Variants in SCARA5 observed in about 807,000 individuals in gnomAD.
SCARA5 encodes scavenger receptor class A member 5, also known as scavenger receptor class A, member 5 (putative).
In SCARA5, 45 loss-of-function variants were observed where a neutral mutation model predicts 46.3. The observed-to-expected ratio is 0.97, with a 90% confidence interval of 0.76 to 1.24. The LOEUF is 1.24. Ranked by LOEUF, SCARA5 falls within the 50% of genes most tolerant of loss-of-function variation. SCARA5 has a pLI of 0.00. For synonymous variants in SCARA5, 333 were observed against 306.5 expected (o/e 1.09, Z -0.90); for missense variants, 680 against 689.0 (o/e 0.99, Z 0.15).
chr8:27,965,769 A>G (rs986489162), intron 3 of SCARA5, among the ~76,000 whole-genome samples: 1 of 152,220 alleles, frequency 6.6e-6, no homozygotes, highest in Non-Finnish European at 1.5e-5. Context: ...CACTACAGCC[A>G]TCTGCTTCAC....
chr8:27,921,953 G>A lies in SCARA5; in HGVS notation c.534C>T (p.Ser178=), dbSNP rs779423568. 3 of 1,543,282 alleles carry A rather than the reference G, an allele frequency of 1.9e-6. No individual in the cohort carries two copies. Among genetic ancestry groups the A allele is most frequent in the East Asian group, 2.4e-5 (1 of 41,590 alleles). The change falls in exon 4 of 9, where the codon AGC becomes AGT. Residue 178 remains serine, a synonymous_variant. Coordinates refer to ENST00000354914, the MANE Select transcript of SCARA5 (RefSeq NM_173833.6). ...GGTAGAGCTCCAGCTGCGCCGTGTC[G>A]CTCTGCTGGCCCGTGCGGTCCCGCA... ...ALLRDRTGQQ[S]DTAQLELYQL...
chr8:27,918,011 C>T (rs1022824956), intron 4 of SCARA5, among the ~76,000 whole-genome samples: 3 of 152,128 alleles, frequency 2.0e-5, no homozygotes, highest in African/African-American at 4.8e-5. Flanking sequence ...GTTGCTTTTA[C>T]GAATATTGAG....
intron 7 of SCARA5, among the ~76,000 whole-genome samples, chr8:27,898,131 C>T (rs945543960): frequency 3.3e-5 from 5 of 152,236 alleles, no homozygotes; most frequent in Admixed American, 6.5e-5. Flanking sequence ...CTTATTTTAC[C>T]ACTTGACTTC....
At chr8:27,986,283 C>G (rs1218461186) in intron 2 of SCARA5, among the ~76,000 whole-genome samples, 2 of 152,222 alleles carry the variant, frequency 1.3e-5, no homozygotes, top group African/African-American at 4.8e-5. Context: ...CTTAGACAAT[C>G]TCCTTCAGTC....
At chr8:27,987,031 C>A (rs1808715238) in intron 2 of SCARA5, among the ~76,000 whole-genome samples, 1 of 152,226 alleles carries the variant, frequency 6.6e-6, no homozygotes, top group African/African-American at 2.4e-5. Flanking sequence ...GGCCTGGGGA[C>A]CCCTTTCTGT....
intron 3 of SCARA5, among the ~76,000 whole-genome samples, chr8:27,933,812 C>T (rs1807814296): frequency 6.6e-6 from 1 of 151,992 alleles, no homozygotes; most frequent in Non-Finnish European, 1.5e-5. Context: ...AAATGTGTCC[C>T]CTTGAGGGAC....
chr8:27,943,199 A>G (rs1480469564), intron 3 of SCARA5, among the ~76,000 whole-genome samples: 1 of 152,208 alleles, frequency 6.6e-6, no homozygotes, highest in Non-Finnish European at 1.5e-5. Context: ...ATAGCCCTCT[A>G]AATATTTGAA....
chr8:27,923,491 AAGACTGC>A (rs1163623920), intron 3 of SCARA5, among the ~76,000 whole-genome samples: 1 of 152,122 alleles, frequency 6.6e-6, no homozygotes. Flanking sequence ...CAATCCAATG[AAGACTGC>A]TTTTATATTG....
intron 2 of SCARA5, among the ~76,000 whole-genome samples, chr8:27,977,176 C>A (rs552964094): frequency 6.6e-6 from 1 of 152,210 alleles, no homozygotes; most frequent in East Asian, 1.9e-4. Flanking sequence ...ATCCCACCCA[C>A]GTGGGCTCCA....
intron 7 of SCARA5, among the ~76,000 whole-genome samples, chr8:27,889,942 A>G (rs1806956133): frequency 6.6e-6 from 1 of 152,314 alleles, no homozygotes; most frequent in Admixed American, 6.5e-5. Context: ...ATCTGTATTA[A>G]TTCTTTATGT....
chr8:27,872,156 C>G, intron 8 of SCARA5, 86 bp from the exon 9 acceptor site: 1 of 1,439,428 alleles, frequency 6.9e-7, no homozygotes, highest in Non-Finnish European at 9.7e-7. Flanking sequence ...CTGCCCTTGA[C>G]TTGGCTCTGC....
At chr8:27,914,412 T>G (rs1807427885) in intron 4 of SCARA5, among the ~76,000 whole-genome samples, 1 of 152,186 alleles carries the variant, frequency 6.6e-6, no homozygotes, top group Admixed American at 6.5e-5. Flanking sequence ...TCGTGCACAA[T>G]GCCCCTGTGG....
chr8:27,903,500 G>C (rs1350534391), intron 7 of SCARA5: 1 of 152,162 alleles, frequency 6.6e-6, no homozygotes, highest in Non-Finnish European at 1.5e-5. Flanking sequence ...GGCCATTAGT[G>C]TTCTTCTAGT....
At chr8:27,937,576 A>G (rs985380907) in intron 3 of SCARA5, among the ~76,000 whole-genome samples, 4 of 152,150 alleles carry the variant, frequency 2.6e-5, no homozygotes, top group Non-Finnish European at 4.4e-5. Flanking sequence ...AAGAACTTCC[A>G]AGGCCCTGGC....
chr8:27,979,677 C>T (rs1293751526), intron 2 of SCARA5, among the ~76,000 whole-genome samples: 4 of 152,056 alleles, frequency 2.6e-5, no homozygotes, highest in Admixed American at 2.0e-4. Context: ...CCTCATTCTC[C>T]CAAGTAGCTG....
chr8:27,930,188 T>A (rs1256578236), intron 3 of SCARA5, among the ~76,000 whole-genome samples: 1 of 152,166 alleles, frequency 6.6e-6, no homozygotes, highest in African/African-American at 2.4e-5. Context: ...CCATGTGTTG[T>A]GGGAGGCACA....
intron 3 of SCARA5, among the ~76,000 whole-genome samples, chr8:27,929,286 T>C (rs1807730517): frequency 6.6e-6 from 1 of 151,942 alleles, no homozygotes; most frequent in Non-Finnish European, 1.5e-5. Context: ...TCTCTAATTG[T>C]CCTTTATGTC....
At chr8:27,951,310 G>T (rs1201538711) in intron 3 of SCARA5, among the ~76,000 whole-genome samples, 7 of 152,194 alleles carry the variant, frequency 4.6e-5, no homozygotes, top group African/African-American at 9.7e-5. Flanking sequence ...AGGGCAGTGT[G>T]GGAGCCGGAG....
rs114772788 is a variant in SCARA5 at position 27,988,970 on chromosome 8, T to C, written c.-15-1340A>G. 5.9e-3 allele frequency among the ~76,000 whole-genome samples: 896 copies of C among 151,976 alleles called. 14 individuals carry two copies. The highest frequency in any genetic ancestry group is 0.021 in the African/African-American group (854 of 41,420). ...CAATGCCTGTTGATTGAGAGATCAGTCAATCAGTTTCTCTTCAGAGGGAGG... is the reference window on the plus strand; with the variant it reads ...CAATGCCTGTTGATTGAGAGATCAGCCAATCAGTTTCTCTTCAGAGGGAGG... On this transcript the variant is annotated intron_variant, in intron 1 of 8. Coordinates refer to ENST00000354914, the MANE Select transcript of SCARA5 (RefSeq NM_173833.6).
Sources: gnomAD v4.1 joint callset for allele counts (sites outside exome capture counted in the v4.1 genomes callset) on GRCh38, gnomAD v4.1.1 for gene constraint, MANE v1.5 for transcripts, NCBI Gene and HGNC (gene_info 2026-07-23, HGNC 2026-07-21) for gene names.